Variants in TRPS1 observed in about 807,000 individuals in gnomAD.
The protein encoded by TRPS1 is transcriptional repressor GATA binding 1.
In TRPS1, 6 loss-of-function variants were observed where a neutral mutation model predicts 101.2. That is an observed-to-expected ratio of 0.06 (90% CI 0.03 to 0.12). The LOEUF (loss-of-function observed/expected upper bound fraction) is 0.12, where lower values mean the gene tolerates loss of function less well. Among genes scored for constraint, TRPS1 ranks in the 10% least tolerant of loss-of-function variants. TRPS1 has a pLI of 1.00. For synonymous variants in TRPS1, 578 were observed against 589.8 expected, an observed-to-expected ratio of 0.98 and a Z score of 0.29; for missense variants, 1,363 against 1,567.0, an observed-to-expected ratio of 0.87 and a Z score of 2.20.
At chr8:115,592,356 C>G (rs1168290276) in intron 4 of TRPS1, among the ~76,000 whole-genome samples, 1 of 152,162 alleles carries the variant, frequency 6.6e-6, no homozygotes, top group Non-Finnish European at 1.5e-5. Flanking sequence ...CACAAGACAT[C>G]TCCTAACTCC....
chr8:115,657,047 G>A (rs368818334), intron 1 of TRPS1, among the ~76,000 whole-genome samples: 17 of 152,046 alleles, frequency 1.1e-4, no homozygotes, highest in African/African-American at 3.9e-4. Context: ...AGCATATTTC[G>A]TTTTAAAAAT....
At chr8:115,577,865 G>A (rs570133372) in intron 5 of TRPS1, among the ~76,000 whole-genome samples, 14 of 152,146 alleles carry the variant, frequency 9.2e-5, no homozygotes, top group East Asian at 3.9e-4. Flanking sequence ...CCACACATGC[G>A]ACATACATCG....
chr8:115,615,376 C>CA (rs532514397), intron 3 of TRPS1, among the ~76,000 whole-genome samples: 5 of 152,170 alleles, frequency 3.3e-5, no homozygotes, highest in Non-Finnish European at 5.9e-5. Flanking sequence ...ACACCCAATG[C>CA]ACAGCGCATT....
chr8:115,427,290 T>C (rs1421038642), intron 5 of TRPS1, among the ~76,000 whole-genome samples: 3 of 152,066 alleles, frequency 2.0e-5, no homozygotes. Flanking sequence ...AATAGATAAA[T>C]AGAAAATTAA....
intron 5 of TRPS1, among the ~76,000 whole-genome samples, chr8:115,421,816 C>T (rs1248328682): frequency 6.6e-6 from 1 of 152,182 alleles, no homozygotes; most frequent in African/African-American, 2.4e-5. Context: ...CCTGGTCACA[C>T]TGTGTACAAT....
At chr8:115,582,051 G>C (rs1218632583) in intron 5 of TRPS1, among the ~76,000 whole-genome samples, 1 of 152,124 alleles carries the variant, frequency 6.6e-6, no homozygotes, top group Non-Finnish European at 1.5e-5. Flanking sequence ...CCAGTGTTTA[G>C]AGAGGTATAT....
Position 115,435,998 on chromosome 8 carries a change from TCACACACACA to T in TRPS1, c.2701-17556_2701-17547del, listed in dbSNP as rs4027183. ...TCTAAATGCTACAACAAATGAGAAA[TCACACACACA>T]CACACACACACACACACACACACAC... On this transcript the variant is annotated intron_variant, in intron 5 of 6. Coordinates refer to ENST00000395715, the MANE Select transcript of TRPS1 (RefSeq NM_014112.5). Among the ~76,000 whole-genome samples, 607 of 134,018 alleles carry T rather than the reference TCACACACACA, an allele frequency of 4.5e-3. 6 individuals are homozygous for T. Among genetic ancestry groups the T allele is most frequent in the South Asian group, 0.011 (42 of 3,986 alleles). 87.9% of individuals were successfully genotyped at this position (134,018 alleles called of 152,430 possible).
At chr8:115,483,358 C>A (rs761655798) in intron 5 of TRPS1, among the ~76,000 whole-genome samples, 1 of 151,386 alleles carries the variant, frequency 6.6e-6, no homozygotes, top group Admixed American at 6.6e-5. Flanking sequence ...ATGGTGAGAC[C>A]CCATCTCTAT....
At chr8:115,500,444 C>A (rs1410291241) in intron 5 of TRPS1, among the ~76,000 whole-genome samples, 4 of 152,134 alleles carry the variant, frequency 2.6e-5, no homozygotes, top group Non-Finnish European at 4.4e-5. Context: ...CAAAAGCAAC[C>A]AAATGTTCAG....
At chr8:115,532,574 T>C (rs1250852529) in intron 5 of TRPS1, among the ~76,000 whole-genome samples, 2 of 152,166 alleles carry the variant, frequency 1.3e-5, no homozygotes, top group East Asian at 3.9e-4. Flanking sequence ...TACTCCCTAA[T>C]AGTAGGCCCA....
intron 1 of TRPS1, among the ~76,000 whole-genome samples, chr8:115,660,228 T>C (rs1243095819): frequency 6.6e-6 from 1 of 152,034 alleles, no homozygotes; most frequent in Admixed American, 6.6e-5. Flanking sequence ...CATTGTATTG[T>C]AGAATCTAAT....
Position 115,603,854 on chromosome 8 carries a change from C to T in TRPS1, c.2096+19G>A, listed in dbSNP as rs753862691. 7 of 1,613,602 alleles carry T rather than the reference C, an allele frequency of 4.3e-6. No homozygotes were observed. Among genetic ancestry groups the T allele is most frequent in the Non-Finnish European group, 5.9e-6 (7 of 1,179,788 alleles). Reference sequence around the variant, plus strand: ...ATTTTATTTGTATATTCCTCCCGACCCCACCCCCCATGCCTCACCTGTAGT... The same window carrying T: ...ATTTTATTTGTATATTCCTCCCGACTCCACCCCCCATGCCTCACCTGTAGT... On this transcript the variant is annotated intron_variant, in intron 4 of 6. Transcript: ENST00000395715.
intron 3 of TRPS1, among the ~76,000 whole-genome samples, chr8:115,606,807 CAAAA>C (rs72238288): frequency 0.043 from 5,336 of 123,320 alleles, 190 homozygotes; most frequent in African/African-American, 0.1. Context: ...GTTCATTTGC[CAAAA>C]AAAAAAAAAA....
chr8:115,489,147 T>A (rs908527999), intron 5 of TRPS1, among the ~76,000 whole-genome samples: 1 of 152,202 alleles, frequency 6.6e-6, no homozygotes, highest in African/African-American at 2.4e-5. Context: ...TGATCTCAAG[T>A]GAATTACATG....
chr8:115,649,091 C>A (rs767970291), intron 1 of TRPS1, among the ~76,000 whole-genome samples: 2 of 152,110 alleles, frequency 1.3e-5, no homozygotes, highest in African/African-American at 4.8e-5. Flanking sequence ...TAATAGAGTT[C>A]TTTTTATAAC....
At position 115,457,306 on chromosome 8, in the gene TRPS1, A is replaced by C. The variant is rs980038208; in HGVS notation, c.2701-38854T>G. Among the ~76,000 whole-genome samples the C allele has an allele frequency of 7.9e-5, 12 of 152,354 alleles. No individual in the cohort carries two copies. The South Asian group carries it at 2.3e-3, about 29-fold the overall frequency. On this transcript the variant is annotated intron_variant, in intron 5 of 6. Coordinates refer to ENST00000395715, the MANE Select transcript of TRPS1 (RefSeq NM_014112.5). ...AATGAAAAAATATCCAACATACGCT[A>C]CAACATGGATGAACCTTGAGGACAT...
At chr8:115,592,859 G>C (rs1220181208) in intron 4 of TRPS1, among the ~76,000 whole-genome samples, 2 of 152,136 alleles carry the variant, frequency 1.3e-5, no homozygotes, top group Non-Finnish European at 2.9e-5. Flanking sequence ...AAGGTCCCCA[G>C]ACCACACCTT....
chr8:115,504,064 T>C (rs1222935636), intron 5 of TRPS1, among the ~76,000 whole-genome samples: 1 of 152,220 alleles, frequency 6.6e-6, no homozygotes, highest in Non-Finnish European at 1.5e-5. Flanking sequence ...GCAGGTTAAC[T>C]TCCTTGTATT....
intron 1 of TRPS1, among the ~76,000 whole-genome samples, chr8:115,663,743 A>C (rs1363422182): frequency 2.0e-5 from 3 of 149,090 alleles, no homozygotes; most frequent in African/African-American, 7.5e-5. Context: ...AAAAAAAAAA[A>C]CTGGGATAGC....
Sources: allele counts gnomAD v4.1 joint callset (sites outside exome capture counted in the v4.1 genomes callset), GRCh38; gene constraint gnomAD v4.1.1; transcripts MANE v1.5; gene names NCBI Gene and HGNC (gene_info 2026-07-23, HGNC 2026-07-21).